Variants in PPM1E observed in about 807,000 individuals in gnomAD.
The protein encoded by PPM1E is protein phosphatase, Mg2+/Mn2+ dependent 1E.
PPM1E carries 20 observed loss-of-function variants against 65.9 expected under a neutral mutation model. The ratio of observed to expected loss-of-function variants is 0.30; its 90% CI spans 0.21 to 0.44. The LOEUF is 0.44. Among genes scored for constraint, PPM1E ranks in the 20% least tolerant of loss-of-function variants. The pLI, the probability that PPM1E is intolerant of heterozygous loss-of-function variation, is 1.00. For synonymous variants in PPM1E, 352 were observed against 374.9 expected (o/e 0.94, Z 0.70); for missense variants, 713 against 953.1 (o/e 0.75, Z 3.32).
intron 1 of PPM1E, among the ~76,000 whole-genome samples, chr17:58,934,789 TG>T (rs889586657): frequency 1.3e-5 from 2 of 150,936 alleles, no homozygotes; most frequent in Admixed American, 1.3e-4. Flanking sequence ...TAGCTGGGCA[TG>T]GTGGTGGGCA....
chr17:58,852,181 G>A (rs542288198), intron 1 of PPM1E, among the ~76,000 whole-genome samples: 250 of 152,204 alleles, frequency 1.6e-3, no homozygotes, highest in Non-Finnish European at 2.9e-3. Flanking sequence ...CATCTGTCAC[G>A]GCTTCCCTTT....
At chr17:58,892,056 A>C (rs903274795) in intron 1 of PPM1E, among the ~76,000 whole-genome samples, 1 of 151,952 alleles carries the variant, frequency 6.6e-6, no homozygotes, top group Admixed American at 6.6e-5. Context: ...GGCTGGTCTC[A>C]AACTCCTGGA....
In PPM1E at chr17:58,983,448, T is replaced by G. The variant is rs1484119240; in HGVS notation, c.*2417T>G. On this transcript the variant is annotated 3_prime_UTR_variant, in exon 7 of 7. Transcript: ENST00000308249. ...CAGTGCTTTGTGAAATGCAGTGTTC[T>G]CTCTTAACGCCACTGGTGATAGGAA... 1.3e-5 allele frequency: 2 copies of G among 152,814 alleles called. No individual in the cohort carries two copies. The highest frequency in any genetic ancestry group is 4.8e-5 in the African/African-American group (2 of 41,466). 9.5% of individuals were successfully genotyped at this position (152,814 alleles called of 1,614,324 possible).
At chr17:58,902,838 G>A (rs1372248519) in intron 1 of PPM1E, among the ~76,000 whole-genome samples, 4 of 152,092 alleles carry the variant, frequency 2.6e-5, no homozygotes, top group Admixed American at 6.6e-5. Flanking sequence ...TATTAGAAAT[G>A]TATAGATCCA....
chr17:58,798,153 A>G (rs976316959), intron 1 of PPM1E, among the ~76,000 whole-genome samples: 1 of 151,940 alleles, frequency 6.6e-6, no homozygotes, highest in Non-Finnish European at 1.5e-5. Context: ...GGAGTTCCTA[A>G]CACATTCTGA....
Position 58,980,809 on chromosome 17 carries a change from G to A in PPM1E, c.2046G>A (p.Arg682=), listed in dbSNP as rs753735196. 5.6e-6 allele frequency: 9 copies of A among 1,614,056 alleles called. No individual in the cohort carries two copies. The highest frequency in any genetic ancestry group is 1.3e-5 in the African/African-American group (1 of 74,924). ...HHYSKKWHRF[R]FNPKFYSFLS... is the part of the protein sequence containing the mutation. The stretch of plus-strand genomic sequence containing the variant: ...ACTCAAAGAAGTGGCACAGATTCAG[G>A]TTTAATCCAAAGTTTTATTCATTTC... The change falls in exon 7 of 7, where the codon AGG becomes AGA. Residue 682 remains arginine, a synonymous_variant. Transcript: ENST00000308249. The surrounding 1 kb of genome is among the most constrained non-coding windows in gnomAD (Gnocchi z 4.7).
chr17:58,892,404 A>C (rs2051358925), intron 1 of PPM1E, among the ~76,000 whole-genome samples: 1 of 151,912 alleles, frequency 6.6e-6, no homozygotes, highest in Non-Finnish European at 1.5e-5. Context: ...CAAGACCCCC[A>C]TCTCTACAAA....
At position 58,837,260 on chromosome 17, in the gene PPM1E, TAAAAAAA is replaced by T. The variant is rs57058929; in HGVS notation, c.464+80815_464+80821del. Among the ~76,000 whole-genome samples the T allele has an allele frequency of 2.4e-3, 158 of 66,280 alleles. 1 individual carries two copies. The highest frequency in any genetic ancestry group is 9.6e-3 in the African/African-American group (147 of 15,324). The allele number at this position is 66,280 out of a possible 152,430, so 43.5% of individuals were successfully genotyped here. A position where few individuals can be genotyped will look rare whatever the true frequency, so the allele number is the denominator to read the frequency against. ...GTAAAACCCTGTCTCTTAAAAAAATTAAAAAAAAAAAAAAAAAAAAAAGAATTCCCAG... is the reference window on the plus strand; with the variant it reads ...GTAAAACCCTGTCTCTTAAAAAAATTAAAAAAAAAAAAAAAGAATTCCCAG... On this transcript the variant is annotated intron_variant, in intron 1 of 6. Transcript: ENST00000308249.
chr17:58,866,540 T>C (rs2051006119), intron 1 of PPM1E, among the ~76,000 whole-genome samples: 1 of 152,236 alleles, frequency 6.6e-6, no homozygotes, highest in African/African-American at 2.4e-5. Context: ...ACCACTCTTT[T>C]CTTATCTATA....
intron 1 of PPM1E, among the ~76,000 whole-genome samples, chr17:58,946,110 C>T (rs2052146846): frequency 6.6e-6 from 1 of 152,070 alleles, no homozygotes; most frequent in Non-Finnish European, 1.5e-5. Context: ...AGTAGCCCAC[C>T]AAGAACTGCT....
At chr17:58,854,563 T>C (rs2050862097) in intron 1 of PPM1E, among the ~76,000 whole-genome samples, 1 of 152,210 alleles carries the variant, frequency 6.6e-6, no homozygotes, top group Admixed American at 6.5e-5. Context: ...ATATGACTTT[T>C]ATTACAGTGA....
At chr17:58,949,581 A>G (rs1333084934) in intron 1 of PPM1E, among the ~76,000 whole-genome samples, 2 of 152,078 alleles carry the variant, frequency 1.3e-5, no homozygotes, top group East Asian at 3.9e-4. Context: ...TTTTCTGAGT[A>G]TTTTGTGTAA....
chr17:58,964,153 T>G (rs2030137708), intron 2 of PPM1E, among the ~76,000 whole-genome samples: 1 of 152,226 alleles, frequency 6.6e-6, no homozygotes, highest in African/African-American at 2.4e-5. Context: ...TATTCTAGAT[T>G]GGAGGAGGCA....
intron 1 of PPM1E, among the ~76,000 whole-genome samples, chr17:58,949,332 T>TC (rs1393580324): frequency 6.6e-6 from 1 of 152,236 alleles, no homozygotes; most frequent in African/African-American, 2.4e-5. Flanking sequence ...GCTTTTGGTT[T>TC]CCATTTGCGT....
chr17:58,805,986 A>AAAAAAAAAAAAAAAAAAAAAAAAAC (rs2050308749), intron 1 of PPM1E, among the ~76,000 whole-genome samples: 1 of 105,746 alleles, frequency 9.5e-6, no homozygotes, highest in Non-Finnish European at 1.8e-5. Flanking sequence ...AAAAAAAAAC[A>AAAAAAAAAAAAAAAAAAAAAAAAAC]AAACAAAACA....
intron 1 of PPM1E, among the ~76,000 whole-genome samples, chr17:58,867,823 C>T (rs573013302): frequency 2.6e-5 from 4 of 152,262 alleles, no homozygotes; most frequent in Admixed American, 2.6e-4. Context: ...TAAAACATTT[C>T]TCCTTATCAA....
chr17:58,895,932 C>T (rs1251167914), intron 1 of PPM1E, among the ~76,000 whole-genome samples: 2 of 147,150 alleles, frequency 1.4e-5, no homozygotes, highest in African/African-American at 2.5e-5. Flanking sequence ...GGTTAAACCC[C>T]GTCTCTGCTA....
rs543797895 is a variant in PPM1E, at chr17:58,873,887, G to A, written c.465-81762G>A. Among the ~76,000 whole-genome samples the A allele has an allele frequency of 4.0e-5, 6 of 151,232 alleles. No individual in the cohort carries two copies. In the East Asian group the frequency reaches 5.8e-4, roughly 15 times the overall value. On this transcript the variant is annotated intron_variant, in intron 1 of 6. Transcript: ENST00000308249. ...GCTAAGATTATAGGAGTGAACCACC[G>A]TGCCCGGCCTAGTGTTAATTTTCTT...
At chr17:58,898,922 A>G (rs569935272) in intron 1 of PPM1E, among the ~76,000 whole-genome samples, 2 of 150,286 alleles carry the variant, frequency 1.3e-5, no homozygotes, top group Non-Finnish European at 2.9e-5. Context: ...AAAACCAAAC[A>G]CTGCATGTTC....
Sources: allele counts gnomAD v4.1 joint callset (sites outside exome capture counted in the v4.1 genomes callset), GRCh38; gene constraint gnomAD v4.1.1; non-coding constraint Gnocchi (gnomAD v3.1); transcripts MANE v1.5; gene names NCBI Gene and HGNC (gene_info 2026-07-23, HGNC 2026-07-21).